The following GOSR2 variants were observed in gnomAD, a reference collection of about 807,000 sequenced individuals.
The protein encoded by GOSR2 is golgi SNAP receptor complex member 2, also known as 27 kDa Golgi SNARE protein.
GOSR2 carries 20 observed loss-of-function variants against 27.9 expected under a neutral mutation model. The observed-to-expected ratio is 0.72, with a 90% CI of 0.50 to 1.04. The LOEUF (loss-of-function observed/expected upper bound fraction) is 1.04. GOSR2 is among the 50% of genes least tolerant of loss of function. The pLI is 0.00. For synonymous variants in GOSR2, 91 were observed against 98.8 expected, an observed-to-expected ratio of 0.92 and a Z score of 0.47; for missense variants, 261 against 270.5, an observed-to-expected ratio of 0.97 and a Z score of 0.25.
At position 46,938,855 on chromosome 17, in the gene GOSR2, A is replaced by T; in HGVS notation, c.*95A>T. ...GGGGGCCCAGAGGCCGCCTTTTGAA[A>T]TGTTTGCCTGTCTGAACTGTGAAGA... On this transcript the variant is annotated 3_prime_UTR_variant, in exon 6 of 6. Transcript: ENST00000640051. 1 of 1,594,872 alleles carries T rather than the reference A, an allele frequency of 6.3e-7. No individual in the cohort carries two copies. The highest frequency in any genetic ancestry group is 8.5e-7 in the Non-Finnish European group (1 of 1,173,552).
At chr17:46,950,231 C>A (rs563899861) in intron 6 of GOSR2, among the ~76,000 whole-genome samples, 2 of 152,224 alleles carry the variant, frequency 1.3e-5, no homozygotes, top group African/African-American at 2.4e-5. Context: ...CTATCCCTCA[C>A]CCCCAGCTGG....
rs2088975903 is a variant in GOSR2, at chr17:46,939,619, A to G, written c.*859A>G. The G allele has an allele frequency of 5.1e-6, 5 of 985,618 alleles. No individual in the cohort carries two copies. Among genetic ancestry groups the G allele is most frequent in the Non-Finnish European group, 4.8e-6 (4 of 830,064 alleles). The allele number at this position is 985,618 out of a possible 1,614,324, so 61.1% of individuals were successfully genotyped here. On this transcript the variant is annotated 3_prime_UTR_variant, in exon 6 of 6. Coordinates refer to ENST00000640051, the MANE Select transcript of GOSR2 (RefSeq NM_004287.5). ...TTACAGTCTCAGCTCTAGTTTTAGT[A>G]TCTCTAATTCTTTGGTTCCCTTCTC... is the stretch of plus-strand genomic sequence containing the variant.
chr17:46,973,279 C>G lies in GOSR2; in HGVS notation c.616-1920C>G, dbSNP rs142306350. On this transcript the variant is annotated intron_variant, in intron 6 of 6. Transcript: ENST00000640723. ...ACCAGATGACAATCTCATATGACAG[C>G]TGGCTTGCTCACTCTCACTCTGCTG... is the stretch of plus-strand genomic sequence containing the variant. 2.0e-3 allele frequency among the ~76,000 whole-genome samples: 304 copies of G among 151,980 alleles called. 1 individual carries two copies. Among genetic ancestry groups the G allele is most frequent in the African/African-American group, 7.1e-3 (294 of 41,510 alleles).
chr17:46,940,254 G>T lies in GOSR2; in HGVS notation c.*1494G>T, dbSNP rs550139085. On this transcript the variant is annotated 3_prime_UTR_variant, in exon 6 of 6. Transcript: ENST00000640051. The stretch of plus-strand genomic sequence containing the variant: ...TCCTGGATGCTAATTTCACACTTTC[G>T]GTTGGAGGAGATCTCCATTGTTCCT... 24 of 1,423,360 alleles carry T rather than the reference G, an allele frequency of 1.7e-5. No individual in the cohort carries two copies. The South Asian group carries it at 2.3e-4, about 14-fold the overall frequency. 88.2% of individuals were successfully genotyped at this position (1,423,360 alleles called of 1,614,324 possible). A position where few individuals can be genotyped will look rare whatever the true frequency, so the allele number is the denominator to read the frequency against.
downstream of GOSR2, among the ~76,000 whole-genome samples, chr17:46,944,324 C>G (rs1408533665): frequency 6.6e-6 from 1 of 152,248 alleles, no homozygotes; most frequent in African/African-American, 2.4e-5. Flanking sequence ...AGCCTGGCTT[C>G]AAGTCCCAGC....
exon 7 of GOSR2, chr17:46,966,880 G>GCCCTCT (rs2091338291): frequency 2.5e-6 from 1 of 405,710 alleles, no homozygotes; most frequent in African/African-American, 2.0e-5. Context: ...TGGCCATTAT[G>GCCCTCT]CTAATTAGCA....
At chr17:46,970,473 C>T (rs1248826266), downstream of GOSR2, among the ~76,000 whole-genome samples, 1 of 133,896 alleles carries the variant, frequency 7.5e-6, no homozygotes, top group African/African-American at 2.8e-5. Context: ...CTGGGAGGCA[C>T]AGGTTGCAGC....
At chr17:46,946,439 C>G (rs968943098), downstream of GOSR2, among the ~76,000 whole-genome samples, 5 of 107,534 alleles carry the variant, frequency 4.6e-5, no homozygotes, top group Non-Finnish European at 8.8e-5. Flanking sequence ...CCAGCCTAGG[C>G]AAGAAGAGCA....
At chr17:46,930,991 A>G (rs2087281311) in intron 2 of GOSR2, 108 bp from the exon 3 acceptor site, 1 of 718,164 alleles carries the variant, frequency 1.4e-6, no homozygotes. Context: ...CTTTTGAAAT[A>G]TGTAGTTCTA....
At chr17:46,950,979 C>G (rs2090296164) in intron 6 of GOSR2, among the ~76,000 whole-genome samples, 1 of 152,206 alleles carries the variant, frequency 6.6e-6, no homozygotes. Flanking sequence ...GACAGTCTCA[C>G]CATGCCACGC....
downstream of GOSR2, among the ~76,000 whole-genome samples, chr17:46,970,556 A>C (rs979665134): frequency 3.3e-5 from 5 of 151,574 alleles, no homozygotes; most frequent in East Asian, 7.7e-4. Context: ...AAAAAAAAAA[A>C]AAAACTCAAG....
rs2089063236 is a variant in GOSR2, at chr17:46,940,216, G to T, written c.*1456G>T. The T allele has an allele frequency of 7.1e-7, 1 of 1,415,266 alleles. No individual in the cohort carries two copies. Among genetic ancestry groups the T allele is most frequent in the African/African-American group, 1.4e-5 (1 of 69,380 alleles). The allele number at this position is 1,415,266 out of a possible 1,614,324, so 87.7% of individuals were successfully genotyped here. The stretch of plus-strand genomic sequence containing the variant: ...TTGGTAAGTTTTCTTAATTGTCATA[G>T]ATTAACTGAGTTTCCTGGATGCTAA... On this transcript the variant is annotated 3_prime_UTR_variant, in exon 6 of 6. Coordinates refer to ENST00000640051, the MANE Select transcript of GOSR2 (RefSeq NM_004287.5).
downstream of GOSR2, chr17:46,968,901 GC>G (rs1183835062): frequency 6.6e-6 from 1 of 152,336 alleles, no homozygotes; most frequent in Non-Finnish European, 1.5e-5. Context: ...AACCCCAAAA[GC>G]AGGACTTTTA....
chr17:46,932,461 G>A, intron 4 of GOSR2: 1 of 597,908 alleles, frequency 1.7e-6, no homozygotes, highest in Non-Finnish European at 3.0e-6. Context: ...GGTTGGGCTG[G>A]TCTGAGACAG....
chr17:46,935,718 C>T, intron 5 of GOSR2: 1 of 988,940 alleles, frequency 1.0e-6, no homozygotes, highest in African/African-American at 1.7e-5. Context: ...AGCGACTCTT[C>T]ACTCCCTAGC....
At chr17:46,968,073 G>T (rs2091354043), downstream of GOSR2, among the ~76,000 whole-genome samples, 1 of 152,096 alleles carries the variant, frequency 6.6e-6, no homozygotes, top group Admixed American at 6.6e-5. Context: ...GCCTTCTTCA[G>T]CTTGGGGCAT....
chr17:46,931,197 A>G lies in GOSR2; in HGVS notation c.193A>G (p.Asn65Asp), dbSNP rs2087318029. 1.3e-6 allele frequency: 2 copies of G among 1,514,390 alleles called. No individual in the cohort carries two copies. The highest frequency in any genetic ancestry group is 9.2e-7 in the Non-Finnish European group (1 of 1,089,020). 93.8% of individuals were successfully genotyped at this position (1,514,390 alleles called of 1,614,324 possible). A position where few individuals can be genotyped will look rare whatever the true frequency, so the allele number is the denominator to read the frequency against. The change falls in exon 3 of 6, where the codon AAT becomes GAT. Residue 65 changes from asparagine to aspartate, a missense_variant. By Grantham distance (23) the Asn-to-Asp change is conservative. Coordinates refer to ENST00000640051, the MANE Select transcript of GOSR2 (RefSeq NM_004287.5). ...CAAGGAGCCCCCTAACAAAAGGCAA[A>G]ATGCCAGACTGTAAGTGCTGACCTC... ...SSKEPPNKRQ[N>D]ARLRVDQLKY...
At chr17:46,936,698 C>T in intron 5 of GOSR2, 2 of 984,780 alleles carry the variant, frequency 2.0e-6, no homozygotes, top group Non-Finnish European at 2.4e-6. Flanking sequence ...GATCCTTAGC[C>T]TCATACAGTG....
At chr17:46,928,174 C>T (rs1267357169) in intron 1 of GOSR2, among the ~76,000 whole-genome samples, 1 of 152,114 alleles carries the variant, frequency 6.6e-6, no homozygotes, top group Non-Finnish European at 1.5e-5. Flanking sequence ...TTCTCAGGGC[C>T]ACAGGTCTTG....
Sources: gnomAD v4.1 joint callset for allele counts (sites outside exome capture counted in the v4.1 genomes callset) on GRCh38, gnomAD v4.1.1 for gene constraint, MANE v1.5 for transcripts, NCBI Gene and HGNC (gene_info 2026-07-23, HGNC 2026-07-21) for gene names.